Variants in MYO1A observed in about 807,000 individuals in gnomAD.
MYO1A encodes myosin IA, also known as unconventional myosin-Ia.
In MYO1A, 127 loss-of-function variants were observed where a neutral mutation model predicts 138.5. That is an observed-to-expected ratio of 0.92 (90% CI 0.79 to 1.06). The LOEUF is 1.06. MYO1A is among the 50% of genes least tolerant of loss of function. The pLI, the probability that MYO1A is intolerant of heterozygous loss-of-function variation, is 0.00. For missense variants in MYO1A, 1,211 were observed against 1,288.8 expected (o/e 0.94, Z 0.92); for synonymous variants, 477 against 497.5 (o/e 0.96, Z 0.55).
chr12:57,047,415 GGCAAA>G lies in MYO1A; in HGVS notation c.326-13_326-9del. On this transcript the variant is annotated splice_polypyrimidine_tract_variant and intron_variant, in intron 4 of 27. Transcript: ENST00000300119. ...TCACCAGCTTGCTGGCCTCTGTGCAGGCAAAACGCTCTCATGGGTCCCCACCCAGG... is the reference window on the plus strand; with the variant it reads ...TCACCAGCTTGCTGGCCTCTGTGCAGACGCTCTCATGGGTCCCCACCCAGG... 6.2e-7 allele frequency: 1 copy of G among 1,613,626 alleles called. No individual in the cohort carries two copies. Among genetic ancestry groups the G allele is most frequent in the Non-Finnish European group, 8.5e-7 (1 of 1,179,574 alleles).
In MYO1A at chr12:57,037,859, G is replaced by A; in HGVS notation, c.1961+10C>T. On this transcript the variant is annotated intron_variant, in intron 18 of 27. Transcript: ENST00000300119. ...CTTTCCTGATGCCCAGTCTCCCCAT[G>A]GGGTCTTACCGGTCTCCCCCATTCC... The A allele has an allele frequency of 6.2e-7, 1 of 1,613,740 alleles. No homozygotes were observed. Among genetic ancestry groups the A allele is most frequent in the Non-Finnish European group, 8.5e-7 (1 of 1,179,800 alleles).
intron 12 of MYO1A, 106 bp downstream of exon 12, chr12:57,042,966 C>T (rs2030923531): frequency 4.6e-6 from 5 of 1,080,886 alleles, no homozygotes; most frequent in South Asian, 2.6e-5. Flanking sequence ...CCCTCCCCAT[C>T]ATCCTCCCTA....
intron 17 of MYO1A, 76 bp from the exon 18 acceptor site, chr12:57,038,145 G>T: frequency 2.0e-6 from 3 of 1,516,398 alleles, no homozygotes; most frequent in Non-Finnish European, 2.7e-6. Flanking sequence ...ATTCCCCTAT[G>T]CTGCACACGG....
chr12:57,037,750 T>C, intron 18 of MYO1A, 109 bp from the exon 19 acceptor site: 1 of 1,492,644 alleles, frequency 6.7e-7, no homozygotes, highest in Non-Finnish European at 9.3e-7. Flanking sequence ...TCAATTCATT[T>C]CTCAAAGTAT....
chr12:57,044,083 C>T, intron 9 of MYO1A, 23 bp downstream of exon 9: 1 of 1,614,182 alleles, frequency 6.2e-7, no homozygotes, highest in Non-Finnish European at 8.5e-7. Flanking sequence ...AGGGCCCAAG[C>T]CTGCCTCACC....
Position 57,038,837 on chromosome 12 carries a change from C to G in MYO1A, c.1505G>C (p.Cys502Ser). The G allele has an allele frequency of 6.2e-7, 1 of 1,614,210 alleles. No homozygotes were observed. Among genetic ancestry groups the G allele is most frequent in the Non-Finnish European group, 8.5e-7 (1 of 1,180,038 alleles). The stretch of plus-strand genomic sequence containing the variant: ...GCCCGCATAGTGGCAGATGCGGAAG[C>G]AGCTGAGGCCCATGGTGTGGTCATA... ...RQYDHTMGLS[C>S]FRICHYAGKV... Residue 502 changes from cysteine (C) to serine (S), a missense_variant, in exon 16 of 28, where the codon TGC becomes TCC. By Grantham distance (112) the Cys-to-Ser change is moderately radical (BLOSUM62 -1). Coordinates refer to ENST00000300119, the MANE Select transcript of MYO1A (RefSeq NM_005379.4).
At chr12:57,038,738 C>A in intron 16 of MYO1A, 71 bp downstream of exon 16, 1 of 1,608,940 alleles carries the variant, frequency 6.2e-7, no homozygotes, top group Non-Finnish European at 8.5e-7. Flanking sequence ...TCACCTTCCC[C>A]GGGTTCCTCC....
intron 1 of MYO1A, among the ~76,000 whole-genome samples, chr12:57,048,590 G>A (rs1452240301): frequency 3.9e-5 from 6 of 152,132 alleles, no homozygotes; most frequent in African/African-American, 7.2e-5. Context: ...GGCAGGGGTG[G>A]AACAGGAACA....
chr12:57,031,106 T>C lies in MYO1A; in HGVS notation c.2418A>G (p.Pro806=). ...TGCTGAGGCACTTGTAGGGGGCGGCTGGCCATGTCTTGTCTAAGACGTTTG... is the reference window on the plus strand; with the variant it reads ...TGCTGAGGCACTTGTAGGGGGCGGCCGGCCATGTCTTGTCTAAGACGTTTG... ...PSTNVLDKTW[P]AAPYKCLSTA... The change falls in exon 23 of 28, where the codon CCA becomes CCG. Residue 806 remains proline (P), a synonymous_variant. Coordinates refer to ENST00000300119, the MANE Select transcript of MYO1A (RefSeq NM_005379.4). The C allele has an allele frequency of 6.2e-7, 1 of 1,614,170 alleles. No homozygotes were observed. Among genetic ancestry groups the C allele is most frequent in the Non-Finnish European group, 8.5e-7 (1 of 1,180,026 alleles).
Position 57,038,913 on chromosome 12 carries a change from A to T in MYO1A, c.1429T>A (p.Ser477Thr). The change falls in exon 16 of 28, where the codon TCC becomes ACC. Residue 477 changes from serine (S) to threonine (T), a missense_variant. Coordinates refer to ENST00000300119, the MANE Select transcript of MYO1A (RefSeq NM_005379.4). ...TFLAKLNQLF[S>T]KHGHYESKVT... Reference sequence around the variant, plus strand: ...TTGCTCTCGTAGTGGCCATGCTTGGAGAAGAGCTGGTTCAGCTTTGCTAGG... The same window carrying T: ...TTGCTCTCGTAGTGGCCATGCTTGGTGAAGAGCTGGTTCAGCTTTGCTAGG... 6.2e-7 allele frequency: 1 copy of T among 1,614,134 alleles called. No individual in the cohort carries two copies. The highest frequency in any genetic ancestry group is 8.5e-7 in the Non-Finnish European group (1 of 1,180,030).
At chr12:57,041,315 G>A (rs1040817683) in intron 13 of MYO1A, 27 bp from the exon 14 acceptor site, 1 of 1,605,598 alleles carries the variant, frequency 6.2e-7, no homozygotes, top group African/African-American at 1.3e-5. Context: ...AGGTTAGAGA[G>A]CTCACTCCAA....
intron 4 of MYO1A, 25 bp downstream of exon 4, chr12:57,047,602 G>C: frequency 1.2e-6 from 2 of 1,611,422 alleles, no homozygotes; most frequent in Non-Finnish European, 1.7e-6. Context: ...GTGACTCCAT[G>C]TGTTCCCCCA....
At chr12:57,030,007 C>T (rs1026590858) in intron 24 of MYO1A, 135 bp from the exon 25 acceptor site, 3 of 1,467,790 alleles carry the variant, frequency 2.0e-6, no homozygotes, top group Non-Finnish European at 2.8e-6. Flanking sequence ...AGAGCACAGT[C>T]CAGGACCAAG....
intron 12 of MYO1A, 79 bp from the exon 13 acceptor site, chr12:57,041,576 T>TG: frequency 8.0e-7 from 1 of 1,244,764 alleles, no homozygotes; most frequent in Admixed American, 1.7e-5. Context: ...CGGATGGGGT[T>TG]GGAGTAGGGG....
At chr12:57,040,609 T>C (rs747609528) in intron 14 of MYO1A, among the ~76,000 whole-genome samples, 1 of 152,382 alleles carries the variant, frequency 6.6e-6, no homozygotes, top group African/African-American at 2.4e-5. Context: ...AATTCTGTTA[T>C]AACCTATTCC....
intron 22 of MYO1A, among the ~76,000 whole-genome samples, chr12:57,036,034 T>C (rs143670186): frequency 1.3e-5 from 2 of 152,338 alleles, no homozygotes; most frequent in East Asian, 1.9e-4. Flanking sequence ...TATTTGACCA[T>C]AGACCAGATG....
intron 14 of MYO1A, chr12:57,039,483 T>C (rs981957724): frequency 3.4e-6 from 2 of 594,092 alleles, no homozygotes; most frequent in South Asian, 1.8e-5. Flanking sequence ...ACGGAAGGAA[T>C]TGGAGCAGCT....
intron 22 of MYO1A, 132 bp downstream of exon 22, chr12:57,036,175 C>T: frequency 1.1e-6 from 1 of 915,742 alleles, no homozygotes; most frequent in Non-Finnish European, 1.8e-6. Flanking sequence ...CCCTCTTCTC[C>T]TAGGACTTAA....
intron 8 of MYO1A, among the ~76,000 whole-genome samples, chr12:57,045,952 T>C (rs2031074772): frequency 6.6e-6 from 1 of 152,226 alleles, no homozygotes; most frequent in Non-Finnish European, 1.5e-5. Context: ...CTATAAGTTC[T>C]TCGAGGACAG....
Sources: allele counts gnomAD v4.1 joint callset (sites outside exome capture counted in the v4.1 genomes callset), GRCh38; gene constraint gnomAD v4.1.1; transcripts MANE v1.5; gene names NCBI Gene and HGNC (gene_info 2026-07-23, HGNC 2026-07-21).